The following ABR variants were observed in gnomAD, a reference collection of about 807,000 sequenced individuals.
ABR encodes the protein ABR activator of RhoGEF and GTPase.
In ABR, 35 loss-of-function variants were observed where a neutral mutation model predicts 107.2. The ratio of observed to expected loss-of-function variants is 0.33; its 90% confidence interval spans 0.25 to 0.43. The LOEUF is 0.43. ABR is among the 20% of genes least tolerant of loss of function. The pLI, the probability that ABR is intolerant of heterozygous loss-of-function variation, is 1.00. For missense variants in ABR, 815 were observed against 1,115.2 expected (o/e 0.73, Z 3.83); for synonymous variants, 498 against 462.0 (o/e 1.08, Z -1.00).
intron 1 of ABR, among the ~76,000 whole-genome samples, chr17:1,217,178 A>C (rs972896887): frequency 6.6e-6 from 1 of 152,212 alleles, no homozygotes; most frequent in Admixed American, 6.5e-5. Context: ...AGCTGCCTAC[A>C]AAACGAGGCT....
At chr17:1,080,098 C>T (rs1315951128) in intron 5 of ABR, among the ~76,000 whole-genome samples, 2 of 152,046 alleles carry the variant, frequency 1.3e-5, no homozygotes, top group East Asian at 3.9e-4. Context: ...CATGAGGAAC[C>T]CATGAGGTAG....
intron 2 of ABR, among the ~76,000 whole-genome samples, chr17:1,110,981 C>T (rs2038642563): frequency 6.6e-6 from 1 of 152,184 alleles, no homozygotes; most frequent in South Asian, 2.1e-4. Flanking sequence ...TGGGAACGAC[C>T]AGGCCTGGCA....
At chr17:1,042,144 G>A (rs2030632750) in intron 16 of ABR, among the ~76,000 whole-genome samples, 1 of 151,740 alleles carries the variant, frequency 6.6e-6, no homozygotes, top group Non-Finnish European at 1.5e-5. Flanking sequence ...GTTTTGGGTG[G>A]AAACAACCCA....
intron 4 of ABR, among the ~76,000 whole-genome samples, chr17:1,086,867 G>A (rs2036624425): frequency 6.6e-6 from 1 of 152,080 alleles, no homozygotes; most frequent in Non-Finnish European, 1.5e-5. Context: ...CTCGCTACTT[G>A]GGAGACTGAG....
chr17:1,004,440 T>C lies in ABR; in HGVS notation c.*1640A>G, dbSNP rs2069874823. On this transcript the variant is annotated 3_prime_UTR_variant, in exon 23 of 23. Transcript: ENST00000302538. ...CAAACCCTTCTTTAAGACTCAGCCCTGAGCACAAGCAATGGGAACTGAGCT... is the reference window on the plus strand; with the variant it reads ...CAAACCCTTCTTTAAGACTCAGCCCCGAGCACAAGCAATGGGAACTGAGCT... 1 of 152,498 alleles carries C rather than the reference T, an allele frequency of 6.6e-6. No homozygotes were observed. The highest frequency in any genetic ancestry group is 1.5e-5 in the Non-Finnish European group (1 of 68,070). The allele number at this position is 152,498 out of a possible 1,614,324, so 9.4% of individuals were successfully genotyped here.
chr17:1,184,272 G>A (rs946646155), upstream of ABR, among the ~76,000 whole-genome samples: 4 of 152,102 alleles, frequency 2.6e-5, no homozygotes, highest in African/African-American at 9.7e-5. Flanking sequence ...TGGCTAACAC[G>A]GGGAAACCCC....
rs1180090224 is a variant in ABR at position 1,092,688 on chromosome 17, G to T, written c.346-838C>A. Among the ~76,000 whole-genome samples, 1 of 128,868 alleles carries T rather than the reference G, an allele frequency of 7.8e-6. No individual in the cohort carries two copies. Among genetic ancestry groups the T allele is most frequent in the East Asian group, 2.5e-4 (1 of 3,938 alleles). 84.5% of individuals were successfully genotyped at this position (128,868 alleles called of 152,430 possible). ...ATTTTATAAATCACCTACAATGAAT[G>T]AATATGAATAATCAGAAAAAAAAAA... On this transcript the variant is annotated intron_variant, in intron 3 of 22. Transcript: ENST00000302538. The surrounding 1 kb of genome is among the most constrained non-coding windows in gnomAD (Gnocchi z 4.6).
rs1008628533 is a variant in ABR at position 1,011,201 on chromosome 17, G to A, written c.2102-338C>T. ...CCTCTCCATCGCTAAGCCCCTCTCT[G>A]GAAGGCATTGCACACTTTTCACACG... On this transcript the variant is annotated intron_variant, in intron 19 of 22. Coordinates refer to ENST00000302538, the MANE Select transcript of ABR (RefSeq NM_021962.5). This position sits in a 1 kb window ranked among gnomAD's most constrained non-coding sequence, Gnocchi z 4.8. The A allele has an allele frequency of 3.1e-6, 1 of 318,582 alleles. No individual in the cohort carries two copies. The highest frequency in any genetic ancestry group is 6.0e-6 in the Non-Finnish European group (1 of 166,110). The allele number at this position is 318,582 out of a possible 1,614,324, so 19.7% of individuals were successfully genotyped here.
intron 10 of ABR, among the ~76,000 whole-genome samples, chr17:1,061,331 T>A (rs2033901221): frequency 6.6e-6 from 1 of 152,104 alleles, no homozygotes; most frequent in South Asian, 2.1e-4. Context: ...GGCCCAGCCG[T>A]TCAGGAGGGG....
intron 1 of ABR, chr17:1,228,754 G>A (rs1009922566): frequency 2.6e-5 from 4 of 151,720 alleles, no homozygotes; most frequent in African/African-American, 9.7e-5. Flanking sequence ...GGTGGGGGGC[G>A]CGCGGCGGGG....
At chr17:1,181,690 GA>G, upstream of ABR, among the ~76,000 whole-genome samples, 1 of 152,336 alleles carries the variant, frequency 6.6e-6, no homozygotes, top group Non-Finnish European at 1.5e-5. Context: ...GAGGAGCCAT[GA>G]GGGGCCAAGG....
At chr17:1,108,812 A>C in intron 2 of ABR, 1 of 400,628 alleles carries the variant, frequency 2.5e-6, no homozygotes, top group Non-Finnish European at 3.5e-6. Context: ...CGGGGCCGGG[A>C]CCCTCCGCCG....
At chr17:1,100,470 C>T (rs1401114999) in intron 3 of ABR, among the ~76,000 whole-genome samples, 167 bp downstream of exon 3, 2 of 152,230 alleles carry the variant, frequency 1.3e-5, no homozygotes, top group Admixed American at 6.5e-5. Context: ...GGCAATGACC[C>T]GGGCTGCCCG....
At position 1,048,896 on chromosome 17, in the gene ABR, AGTTACC is replaced by A. The variant is rs1480196298; in HGVS notation, c.1791+1148_1791+1153del. Among the ~76,000 whole-genome samples the A allele has an allele frequency of 3.0e-4, 46 of 152,336 alleles. 1 individual carries two copies. The highest frequency in any genetic ancestry group is 9.9e-4 in the African/African-American group (41 of 41,576). ...CCGAGGCTCAACCTCAGTACGGGTC[AGTTACC>A]GTCTCCCTTCATTTCATGGTCACAG... On this transcript the variant is annotated intron_variant, in intron 16 of 22. Coordinates refer to ENST00000302538, the MANE Select transcript of ABR (RefSeq NM_021962.5).
At chr17:1,043,742 C>T (rs1387836032) in intron 16 of ABR, among the ~76,000 whole-genome samples, 1 of 152,190 alleles carries the variant, frequency 6.6e-6, no homozygotes, top group Non-Finnish European at 1.5e-5. Context: ...CTGGAACCTG[C>T]CCCTCCCACC....
intron 16 of ABR, among the ~76,000 whole-genome samples, chr17:1,026,433 G>A (rs1032369969): frequency 1.3e-5 from 2 of 152,210 alleles, no homozygotes; most frequent in Admixed American, 6.5e-5. Flanking sequence ...TACCAGCCCC[G>A]GCTGGGGTCA....
chr17:1,133,329 C>T (rs933366995), intron 1 of ABR, among the ~76,000 whole-genome samples: 1 of 151,226 alleles, frequency 6.6e-6, no homozygotes, highest in African/African-American at 2.4e-5. Context: ...ACAGTTTATA[C>T]CCAGCGTAAT....
In ABR at chr17:1,004,738, G is replaced by A; in HGVS notation, c.*1342C>T. 3.4e-6 allele frequency: 1 copy of A among 293,706 alleles called. No homozygotes were observed. The highest frequency in any genetic ancestry group is 5.4e-5 in the East Asian group (1 of 18,506). The allele number at this position is 293,706 out of a possible 1,614,324, so 18.2% of individuals were successfully genotyped here. A position where few individuals can be genotyped will look rare whatever the true frequency, so the allele number is the denominator to read the frequency against. ...CCAGCAGAACCCAGCCCCTAGAGGC[G>A]GCTGTCTGATTCCCCACTCTCCCCA... On this transcript the variant is annotated 3_prime_UTR_variant, in exon 23 of 23. Coordinates refer to ENST00000302538, the MANE Select transcript of ABR (RefSeq NM_021962.5).
chr17:1,195,403 G>A (rs1020856469), intron 1 of ABR, among the ~76,000 whole-genome samples: 1 of 151,662 alleles, frequency 6.6e-6, no homozygotes, highest in Non-Finnish European at 1.5e-5. Flanking sequence ...GCCCTTAAGG[G>A]TGTTTTCTAC....
Sources: allele counts gnomAD v4.1 joint callset (sites outside exome capture counted in the v4.1 genomes callset), GRCh38; gene constraint gnomAD v4.1.1; non-coding constraint Gnocchi (gnomAD v3.1); transcripts MANE v1.5; gene names NCBI Gene and HGNC (gene_info 2026-07-23, HGNC 2026-07-21).